The following CLYBL variants were observed in gnomAD, a reference collection of about 807,000 sequenced individuals.
CLYBL encodes the protein citramalyl-CoA lyase, mitochondrial.
Under a neutral mutation model 38.9 loss-of-function variants are expected in CLYBL, and 31 were observed. The ratio of observed to expected loss-of-function variants is 0.80; its 90% CI spans 0.60 to 1.08. The LOEUF is 1.08. Among genes scored for constraint, CLYBL ranks in the 50% least tolerant of loss-of-function variants. CLYBL has a pLI of 0.00. For synonymous variants in CLYBL, 171 were observed against 158.6 expected (o/e 1.08, Z -0.59); for missense variants, 434 against 411.6 (o/e 1.05, Z -0.47).
intron 2 of CLYBL, among the ~76,000 whole-genome samples, chr13:99,840,382 T>G (rs534926549): frequency 6.6e-6 from 1 of 151,406 alleles, no homozygotes; most frequent in Admixed American, 6.6e-5. Flanking sequence ...GAGGCTGAGG[T>G]GGGAGGATCA....
chr13:99,776,532 C>G (rs1232923212), intron 2 of CLYBL, among the ~76,000 whole-genome samples: 1 of 147,398 alleles, frequency 6.8e-6, no homozygotes, highest in East Asian at 2.0e-4. Context: ...TTCTTAAAAT[C>G]TCTATCTAGG....
intron 1 of CLYBL, among the ~76,000 whole-genome samples, chr13:99,713,734 A>G (rs182099041): frequency 1.2e-4 from 19 of 152,234 alleles, no homozygotes; most frequent in Non-Finnish European, 2.5e-4. Context: ...CCCAGGCTGG[A>G]GTGCAGTGGT....
At chr13:99,609,901 C>G (rs192308805) in intron 1 of CLYBL, among the ~76,000 whole-genome samples, 6 of 151,884 alleles carry the variant, frequency 4.0e-5, no homozygotes, top group Admixed American at 2.6e-4. Context: ...CTCATACTTT[C>G]CTTTAGTTCT....
At chr13:99,777,955 C>T (rs953833332) in intron 2 of CLYBL, among the ~76,000 whole-genome samples, 1 of 152,246 alleles carries the variant, frequency 6.6e-6, no homozygotes, top group African/African-American at 2.4e-5. Flanking sequence ...CAGGAACCAG[C>T]CTCCAGCTCA....
At chr13:99,898,452 G>A (rs570038039), downstream of CLYBL, among the ~76,000 whole-genome samples, 112 of 152,266 alleles carry the variant, frequency 7.4e-4, 1 homozygote, top group Non-Finnish European at 1.4e-3. Flanking sequence ...AACTGTGCTG[G>A]CTAATAACCC....
intron 1 of CLYBL, among the ~76,000 whole-genome samples, chr13:99,701,807 TG>T (rs2048070905): frequency 6.6e-6 from 1 of 152,170 alleles, no homozygotes; most frequent in Non-Finnish European, 1.5e-5. Flanking sequence ...CCCGAATAGC[TG>T]GGAGTACAGG....
chr13:99,788,279 G>A (rs2049841451), intron 2 of CLYBL, among the ~76,000 whole-genome samples: 1 of 152,188 alleles, frequency 6.6e-6, no homozygotes, highest in African/African-American at 2.4e-5. Context: ...TCTTGTGCCA[G>A]TTTTCAAAGG....
At chr13:99,774,245 A>T (rs2049462175) in intron 2 of CLYBL, among the ~76,000 whole-genome samples, 1 of 152,126 alleles carries the variant, frequency 6.6e-6, no homozygotes, top group African/African-American at 2.4e-5. Flanking sequence ...AAAAAGTTTT[A>T]AAAAAACAAA....
At chr13:99,622,706 C>G (rs745853854) in intron 1 of CLYBL, among the ~76,000 whole-genome samples, 13 of 152,220 alleles carry the variant, frequency 8.5e-5, no homozygotes, top group Non-Finnish European at 1.6e-4. Flanking sequence ...CCATTCCCTC[C>G]TCTCCTCAAC....
At chr13:99,893,989 A>G (rs1020567885), downstream of CLYBL, 1 of 151,916 alleles carries the variant, frequency 6.6e-6, no homozygotes, top group African/African-American at 2.4e-5. Flanking sequence ...CATGGTCCCT[A>G]TTAGGGTAGG....
chr13:99,862,378 C>T (rs1409496582), intron 3 of CLYBL, among the ~76,000 whole-genome samples: 1 of 152,138 alleles, frequency 6.6e-6, no homozygotes, highest in African/African-American at 2.4e-5. Context: ...TGGGCTACCC[C>T]ACTGGCAGCA....
intron 1 of CLYBL, among the ~76,000 whole-genome samples, chr13:99,635,153 C>T (rs754147287): frequency 6.6e-6 from 1 of 152,050 alleles, no homozygotes; most frequent in Non-Finnish European, 1.5e-5. Context: ...CCTGAGAGTC[C>T]GCCTTTTAAC....
At chr13:99,670,308 G>T (rs182620811) in intron 1 of CLYBL, among the ~76,000 whole-genome samples, 4 of 152,210 alleles carry the variant, frequency 2.6e-5, no homozygotes, top group African/African-American at 9.6e-5. Flanking sequence ...AGTGAGCTAT[G>T]ATTGCGTCTG....
At chr13:99,805,624 A>G (rs1296511030) in intron 2 of CLYBL, among the ~76,000 whole-genome samples, 2 of 152,178 alleles carry the variant, frequency 1.3e-5, no homozygotes, top group African/African-American at 2.4e-5. Context: ...GAGTGCCTGC[A>G]GGGATTATTT....
intron 8 of CLYBL, among the ~76,000 whole-genome samples, chr13:99,904,677 T>G (rs1018356245): frequency 6.6e-6 from 1 of 152,244 alleles, no homozygotes; most frequent in Non-Finnish European, 1.5e-5. Context: ...TTCCATAATT[T>G]AATTTTTCTC....
At chr13:99,826,846 A>T (rs990855317) in intron 2 of CLYBL, among the ~76,000 whole-genome samples, 1 of 152,182 alleles carries the variant, frequency 6.6e-6, no homozygotes, top group Non-Finnish European at 1.5e-5. Context: ...CTTGGCGAGG[A>T]ATCTCCATAC....
intron 1 of CLYBL, among the ~76,000 whole-genome samples, chr13:99,634,179 A>G (rs2046988099): frequency 1.3e-5 from 2 of 152,240 alleles, no homozygotes; most frequent in Admixed American, 1.3e-4. Context: ...CCGACTGCTT[A>G]TCAGAAACAG....
intron 2 of CLYBL, among the ~76,000 whole-genome samples, chr13:99,814,780 C>G (rs2050411117): frequency 6.6e-6 from 1 of 151,566 alleles, no homozygotes; most frequent in African/African-American, 2.4e-5. Context: ...CCTATAATCC[C>G]AGCACTTTGG....
intron 1 of CLYBL, among the ~76,000 whole-genome samples, chr13:99,669,619 G>A (rs2047535266): frequency 6.6e-6 from 1 of 152,146 alleles, no homozygotes; most frequent in African/African-American, 2.4e-5. Context: ...TTTACTGAGA[G>A]CCTACCTTCA....
Sources: allele counts gnomAD v4.1 joint callset (sites outside exome capture counted in the v4.1 genomes callset), GRCh38; gene constraint gnomAD v4.1.1; transcripts MANE v1.5; gene names NCBI Gene and HGNC (gene_info 2026-07-23, HGNC 2026-07-21).